The following ANK3 variants were observed in gnomAD, a reference collection of about 807,000 sequenced individuals.
The protein encoded by ANK3 is ankyrin 3.
A neutral mutation model predicts 370.9 loss-of-function variants in ANK3; 57 were observed. That is an observed-to-expected ratio of 0.15 (90% CI 0.12 to 0.19). ANK3 has a LOEUF of 0.19. Ranked by LOEUF, ANK3 falls within the 10% of genes least tolerant of loss-of-function variation. The pLI, the probability that ANK3 is intolerant of heterozygous loss-of-function variation, is 1.00. For missense variants in ANK3, 4,439 were observed against 5,302.1 expected (o/e 0.84, Z 5.06); for synonymous variants, 1,929 against 1,946.3 (o/e 0.99, Z 0.23).
At chr10:60,557,440 T>C (rs996668611) in intron 2 of ANK3, among the ~76,000 whole-genome samples, 1 of 151,926 alleles carries the variant, frequency 6.6e-6, no homozygotes, top group Non-Finnish European at 1.5e-5. Context: ...GGAAAATACA[T>C]AGAGAAAGAA....
intron 1 of ANK3, among the ~76,000 whole-genome samples, chr10:60,295,885 AT>A (rs984688764): frequency 3.9e-5 from 6 of 152,140 alleles, no homozygotes; most frequent in African/African-American, 1.4e-4. Flanking sequence ...GATGAATGGT[AT>A]TGTTTTACGA....
intron 2 of ANK3, among the ~76,000 whole-genome samples, chr10:60,535,191 T>C (rs2076694784): frequency 6.6e-6 from 1 of 152,118 alleles, no homozygotes; most frequent in Non-Finnish European, 1.5e-5. Context: ...TCCAAATTTA[T>C]TGGGCTCTAA....
At chr10:60,454,209 T>G (rs56333342) in intron 2 of ANK3, among the ~76,000 whole-genome samples, 3,026 of 152,206 alleles carry the variant, frequency 0.02, 31 homozygotes, top group Non-Finnish European at 0.032. Context: ...GAGTAGAAAC[T>G]TCTCAAGAAC....
chr10:60,535,616 G>A (rs2076706946), intron 2 of ANK3, among the ~76,000 whole-genome samples: 1 of 152,046 alleles, frequency 6.6e-6, no homozygotes, highest in Non-Finnish European at 1.5e-5. Context: ...TCTTACCTCA[G>A]TCAAGGTTGA....
rs1369281734 is a variant in ANK3, at chr10:60,226,115, ATATATAT to A, written c.897+8566_897+8572del. Among the ~76,000 whole-genome samples the A allele has an allele frequency of 8.0e-5, 11 of 137,502 alleles. No homozygotes were observed. In the East Asian group the frequency reaches 1.1e-3, roughly 13 times the overall value. The allele number at this position is 137,502 out of a possible 152,430, so 90.2% of individuals were successfully genotyped here. On this transcript the variant is annotated intron_variant, in intron 8 of 43. Transcript: ENST00000280772. Reference sequence around the variant, plus strand: ...ATATATCTAAATAGTATTTACTGTAATATATATTATATATTATATACTATATGTGGTA... The same window carrying A: ...ATATATCTAAATAGTATTTACTGTAATATATATTATATACTATATGTGGTA...
At chr10:60,710,150 A>G (rs555080623) in intron 1 of ANK3, among the ~76,000 whole-genome samples, 12 of 152,218 alleles carry the variant, frequency 7.9e-5, no homozygotes, top group Non-Finnish European at 1.8e-4. Flanking sequence ...CATAAGAACT[A>G]TAAGAGAGCA....
chr10:60,564,558 C>A (rs539060132), intron 2 of ANK3, among the ~76,000 whole-genome samples: 1 of 152,242 alleles, frequency 6.6e-6, no homozygotes, highest in South Asian at 2.1e-4. Flanking sequence ...ATCAAAGACT[C>A]CAGGACCAGA....
At chr10:60,064,672 G>GCAACAACAACAACAACAA (rs56412726) in intron 38 of ANK3, among the ~76,000 whole-genome samples, 4 of 146,214 alleles carry the variant, frequency 2.7e-5, no homozygotes, top group African/African-American at 7.5e-5. Context: ...CATACACACA[G>GCAACAACAACAACAACAA]CAACAACAAC....
rs540841053 is a variant in ANK3, at chr10:60,263,396, C to A, written c.699+439G>T. ...TCAAGACGATGGGAATTTTTGGCTG[C>A]GGCTCTCTTGCTGCTGGCATGCTTT... On this transcript the variant is annotated intron_variant, in intron 6 of 43. Transcript: ENST00000280772. Among the ~76,000 whole-genome samples, 459 of 152,290 alleles carry A rather than the reference C, an allele frequency of 3.0e-3. 5 individuals carry two copies. Among genetic ancestry groups the A allele is most frequent in the Non-Finnish European group, 3.7e-3 (250 of 68,016 alleles).
At chr10:60,677,328 T>C (rs748856556) in intron 1 of ANK3, among the ~76,000 whole-genome samples, 3 of 152,230 alleles carry the variant, frequency 2.0e-5, no homozygotes, top group Admixed American at 6.5e-5. Flanking sequence ...AAGAACTATA[T>C]GTATTTATAG....
chr10:60,125,830 G>C (rs543067708), intron 25 of ANK3, among the ~76,000 whole-genome samples: 145 of 152,256 alleles, frequency 9.5e-4, no homozygotes, highest in African/African-American at 3.4e-3. Flanking sequence ...ATACGAGCAG[G>C]AAGTTTCTTC....
At chr10:60,235,663 G>T (rs2097321269) in intron 7 of ANK3, among the ~76,000 whole-genome samples, 1 of 148,650 alleles carries the variant, frequency 6.7e-6, no homozygotes. Context: ...AGCCTCCCAA[G>T]TAGCTGGAAC....
chr10:60,469,649 ATATATGGTGG>A lies in ANK3; in HGVS notation c.96+145527_96+145536del, dbSNP rs1159770211. Among the ~76,000 whole-genome samples, 9 of 15,000 alleles carry A rather than the reference ATATATGGTGG, an allele frequency of 6.0e-4. 2 individuals carry two copies. Among genetic ancestry groups the A allele is most frequent in the African/African-American group, 1.8e-3 (8 of 4,452 alleles). 9.8% of individuals were successfully genotyped at this position (15,000 alleles called of 152,430 possible). On this transcript the variant is annotated intron_variant, in intron 2 of 43. Transcript: ENST00000373827. ...GGTATATATATATATATATATATAT[ATATATGGTGG>A]TATATATATATATATATATATGGTG... is the stretch of plus-strand genomic sequence containing the variant.
chr10:60,115,314 A>T lies in ANK3; in HGVS notation c.2842-983T>A, dbSNP rs1173914638. Among the ~76,000 whole-genome samples the T allele has an allele frequency of 2.6e-5, 4 of 152,196 alleles. No homozygotes were observed. The East Asian group carries it at 7.7e-4, about 29-fold the overall frequency. On this transcript the variant is annotated intron_variant, in intron 25 of 43. Transcript: ENST00000280772. Reference sequence around the variant, plus strand: ...AATCTTAATTGAATTAAAATTTACTATTCTATTTGCCTAGCAGAGGGAGGG... The same window carrying T: ...AATCTTAATTGAATTAAAATTTACTTTTCTATTTGCCTAGCAGAGGGAGGG...
At chr10:60,300,754 C>T (rs184062386) in intron 1 of ANK3, among the ~76,000 whole-genome samples, 76 of 152,208 alleles carry the variant, frequency 5.0e-4, no homozygotes, top group African/African-American at 1.6e-3. Context: ...TCTGTACTCA[C>T]GCTACTCTGA....
At chr10:60,352,881 G>C (rs2057109303) in intron 1 of ANK3, among the ~76,000 whole-genome samples, 1 of 152,258 alleles carries the variant, frequency 6.6e-6, no homozygotes, top group South Asian at 2.1e-4. Context: ...TGAGTAAATG[G>C]AACTAGACTC....
chr10:60,053,851 G>C (rs2078592456), intron 42 of ANK3: 1 of 657,820 alleles, frequency 1.5e-6, no homozygotes, highest in African/African-American at 1.9e-5. Flanking sequence ...TGGTTTTCTT[G>C]TGAGGTCAGG....
At chr10:60,117,958 T>C (rs1468464412) in intron 25 of ANK3, among the ~76,000 whole-genome samples, 4 of 152,024 alleles carry the variant, frequency 2.6e-5, no homozygotes, top group African/African-American at 4.8e-5. Context: ...GAAGTGTGCA[T>C]AGGGAGGAAA....
intron 2 of ANK3, among the ~76,000 whole-genome samples, chr10:60,523,401 C>G (rs1178820439): frequency 8.0e-6 from 1 of 125,528 alleles, no homozygotes; most frequent in African/African-American, 3.0e-5. Context: ...TCCCCCCACC[C>G]CACAACAGTC....
Sources: allele counts gnomAD v4.1 joint callset (sites outside exome capture counted in the v4.1 genomes callset), GRCh38; gene constraint gnomAD v4.1.1; transcripts MANE v1.5; gene names NCBI Gene and HGNC (gene_info 2026-07-23, HGNC 2026-07-21).